The following VRK1 variants were observed in gnomAD, a reference collection of about 807,000 sequenced individuals.
The protein encoded by VRK1 is serine/threonine-protein kinase VRK1.
A neutral mutation model predicts 57.1 loss-of-function variants in VRK1; 33 were observed. The observed-to-expected ratio is 0.58, with a 90% CI of 0.44 to 0.77. The LOEUF (loss-of-function observed/expected upper bound fraction) is 0.77. Ranked by LOEUF, VRK1 falls within the 30% of genes least tolerant of loss-of-function variation. The pLI is 0.00. For synonymous variants in VRK1, 137 were observed against 147.8 expected, an observed-to-expected ratio of 0.93 and a Z score of 0.53; for missense variants, 413 against 477.3, an observed-to-expected ratio of 0.87 and a Z score of 1.25.
intron 5 of VRK1, among the ~76,000 whole-genome samples, chr14:96,849,445 T>C (rs1887860768): frequency 6.7e-6 from 1 of 149,428 alleles, no homozygotes; most frequent in Non-Finnish European, 1.5e-5. Flanking sequence ...AGTATAAACG[T>C]CTTAAAAAAA....
chr14:96,806,488 C>T (rs1364644696), intron 1 of VRK1, among the ~76,000 whole-genome samples: 3 of 152,176 alleles, frequency 2.0e-5, no homozygotes, highest in African/African-American at 7.2e-5. Context: ...AGTGTGAAAG[C>T]TTTGAAAGTC....
chr14:96,853,437 G>C (rs1164982718), intron 7 of VRK1, among the ~76,000 whole-genome samples: 3 of 152,054 alleles, frequency 2.0e-5, no homozygotes, highest in Non-Finnish European at 4.4e-5. Context: ...GGGGGTGGAA[G>C]CTTAAAATTA....
chr14:96,819,346 A>G (rs1300243183), intron 1 of VRK1, among the ~76,000 whole-genome samples: 1 of 152,212 alleles, frequency 6.6e-6, no homozygotes, highest in Non-Finnish European at 1.5e-5. Flanking sequence ...CTTGTATGTA[A>G]TAGAGCAATT....
intron 10 of VRK1, among the ~76,000 whole-genome samples, chr14:96,859,452 C>G (rs1168144309): frequency 1.3e-5 from 2 of 152,106 alleles, no homozygotes; most frequent in Non-Finnish European, 2.9e-5. Flanking sequence ...TTTTCTCTCC[C>G]AGGGGAGCAT....
At chr14:96,877,279 CT>C (rs1889079398) in intron 12 of VRK1, 1 of 266,346 alleles carries the variant, frequency 3.8e-6, no homozygotes, top group Admixed American at 4.7e-5. Flanking sequence ...CATTTTTGCC[CT>C]GATTTTATTA....
At chr14:96,844,160 TA>T (rs1350213582) in intron 3 of VRK1, among the ~76,000 whole-genome samples, 1 of 152,218 alleles carries the variant, frequency 6.6e-6, no homozygotes, top group African/African-American at 2.4e-5. Context: ...CTGTGATTCC[TA>T]CCAAAGACCT....
chr14:96,826,981 G>C (rs1271490475), intron 1 of VRK1, among the ~76,000 whole-genome samples: 1 of 152,140 alleles, frequency 6.6e-6, no homozygotes, highest in African/African-American at 2.4e-5. Context: ...ATGCTGAAAG[G>C]GAACCTGAGA....
intron 1 of VRK1, among the ~76,000 whole-genome samples, chr14:96,827,018 C>T (rs755215528): frequency 1.3e-4 from 20 of 152,184 alleles, no homozygotes; most frequent in Admixed American, 2.6e-4. Context: ...GCTGGCAGAA[C>T]TGTGTTCTCT....
At chr14:96,858,021 T>G (rs1049934438) in intron 10 of VRK1, among the ~76,000 whole-genome samples, 13 of 152,230 alleles carry the variant, frequency 8.5e-5, no homozygotes, top group African/African-American at 3.1e-4. Context: ...CACTTAGTAA[T>G]GTATTTGTGA....
chr14:96,819,692 A>G (rs908601027), intron 1 of VRK1, among the ~76,000 whole-genome samples: 25 of 152,098 alleles, frequency 1.6e-4, no homozygotes, highest in African/African-American at 5.8e-4. Context: ...GATTCGATGA[A>G]CTCTTGGAAA....
At chr14:96,873,222 T>C (rs1412483729) in intron 11 of VRK1, among the ~76,000 whole-genome samples, 1 of 152,044 alleles carries the variant, frequency 6.6e-6, no homozygotes, top group Non-Finnish European at 1.5e-5. Flanking sequence ...CTTCTGAAGA[T>C]TTTTTTTCTC....
chr14:96,876,878 G>A (rs927717741), intron 12 of VRK1, among the ~76,000 whole-genome samples: 8 of 151,900 alleles, frequency 5.3e-5, no homozygotes, highest in Admixed American at 5.3e-4. Flanking sequence ...AATAGTTCCA[G>A]AAATGACATT....
chr14:96,870,809 G>A (rs897224581), intron 11 of VRK1, among the ~76,000 whole-genome samples: 1 of 152,120 alleles, frequency 6.6e-6, no homozygotes, highest in South Asian at 2.1e-4. Context: ...CAGCTAATCT[G>A]CTTGTTAGCT....
intron 5 of VRK1, among the ~76,000 whole-genome samples, chr14:96,850,483 G>A (rs895598070): frequency 2.0e-5 from 3 of 152,152 alleles, no homozygotes; most frequent in African/African-American, 7.2e-5. Flanking sequence ...AGAAGAATGT[G>A]GTAATGGTTT....
At chr14:96,834,993 G>A (rs61140635) in intron 2 of VRK1, among the ~76,000 whole-genome samples, 2,090 of 152,216 alleles carry the variant, frequency 0.014, 54 homozygotes, top group African/African-American at 0.048. Context: ...GTAACCTTTT[G>A]CAAAGTTAAA....
At chr14:96,820,637 A>ATT (rs1329254236) in intron 1 of VRK1, among the ~76,000 whole-genome samples, 2 of 152,242 alleles carry the variant, frequency 1.3e-5, no homozygotes, top group African/African-American at 4.8e-5. Flanking sequence ...TAAACAAAAT[A>ATT]AACAGCAAAC....
At position 96,833,493 on chromosome 14, in the gene VRK1, C is replaced by G. The variant is rs761254060; in HGVS notation, c.22C>G (p.Gln8Glu). The part of the protein sequence containing the change: MPRVKAA[Q>E]AGRQSSAKRH... ...GAAAATGCCTCGTGTAAAAGCAGCT[C>G]AAGCTGGAAGACAGAGCTCTGCAAA... The change falls in exon 2 of 13, where the codon CAA becomes GAA. Residue 8 changes from glutamine (Q) to glutamate (E), a missense_variant. Gln to Glu is a conservative substitution (Grantham distance 29). Around this residue, in one of 3 missense-constraint regions of VRK1, gnomAD observed 116 missense variants for 113.6 expected, o/e 1.02. Coordinates refer to ENST00000216639, the MANE Select transcript of VRK1 (RefSeq NM_003384.3). 1 of 1,613,642 alleles carries G rather than the reference C, an allele frequency of 6.2e-7. No individual in the cohort carries two copies. Among genetic ancestry groups the G allele is most frequent in the South Asian group, 1.1e-5 (1 of 91,074 alleles).
chr14:96,876,802 C>CA (rs953717814), intron 12 of VRK1, among the ~76,000 whole-genome samples: 18 of 140,698 alleles, frequency 1.3e-4, no homozygotes, highest in South Asian at 4.6e-4. Context: ...CACAAAAAAA[C>CA]AAAAAAAACA....
chr14:96,843,004 C>T (rs369618117), intron 3 of VRK1, among the ~76,000 whole-genome samples: 3 of 152,278 alleles, frequency 2.0e-5, no homozygotes, highest in African/African-American at 4.8e-5. Context: ...ATAGTTAACC[C>T]ACAAATCTCT....
Sources: gnomAD v4.1 joint callset for allele counts (sites outside exome capture counted in the v4.1 genomes callset) on GRCh38, gnomAD v4.1.1 for gene constraint, gnomAD v4.1.1 regional missense constraint, MANE v1.5 for transcripts, NCBI Gene and HGNC (gene_info 2026-07-23, HGNC 2026-07-21) for gene names.